Variants in FBXO40 observed in about 807,000 individuals in gnomAD.
The protein encoded by FBXO40 is F-box protein 40.
Under a neutral mutation model 49.9 loss-of-function variants are expected in FBXO40, and 50 were observed. That is an observed-to-expected ratio of 1.00 (90% CI 0.80 to 1.27). The LOEUF is 1.27. Among genes scored for constraint, FBXO40 ranks in the 50% most tolerant of loss-of-function variants. The pLI is 0.00. For missense variants in FBXO40, 895 were observed against 870.1 expected, an observed-to-expected ratio of 1.03 and a Z score of -0.36; for synonymous variants, 340 against 320.2, an observed-to-expected ratio of 1.06 and a Z score of -0.66.
intron 1 of FBXO40, among the ~76,000 whole-genome samples, chr3:121,604,634 G>GAT (rs1435794270): frequency 6.6e-6 from 1 of 152,156 alleles, no homozygotes; most frequent in African/African-American, 2.4e-5. Flanking sequence ...AGTTATTTGG[G>GAT]ATATATATAC....
At chr3:121,598,159 A>G (rs146717704) in intron 1 of FBXO40, among the ~76,000 whole-genome samples, 2 of 152,322 alleles carry the variant, frequency 1.3e-5, no homozygotes, top group Admixed American at 1.3e-4. Context: ...GAACAAGAGG[A>G]GAATTCTCGT....
Position 121,622,077 on chromosome 3 carries a change from C to A in FBXO40, c.648C>A (p.Gly216=). 1 of 1,614,130 alleles carries A rather than the reference C, an allele frequency of 6.2e-7. No homozygotes were observed. The highest frequency in any genetic ancestry group is 8.5e-7 in the Non-Finnish European group (1 of 1,180,024). Reference sequence around the variant, plus strand: ...AAGGGATGGACCTGGTCAAGTTTGGCCAGTGGGAAAATATTTTCAGCAAAG... The same window carrying A: ...AAGGGATGGACCTGGTCAAGTTTGGACAGTGGGAAAATATTTTCAGCAAAG... ...TKEGMDLVKF[G]QWENIFSKEH... Residue 216 remains glycine, a synonymous_variant, in exon 3 of 4, where the codon GGC becomes GGA. Transcript: ENST00000338040.
chr3:121,595,115 G>C (rs576864848), intron 1 of FBXO40, among the ~76,000 whole-genome samples: 1 of 152,182 alleles, frequency 6.6e-6, no homozygotes, highest in Non-Finnish European at 1.5e-5. Context: ...CAAGTAAAAG[G>C]AGACCTAAAC....
chr3:121,624,550 C>T (rs915493412), intron 3 of FBXO40, among the ~76,000 whole-genome samples: 12 of 152,190 alleles, frequency 7.9e-5, no homozygotes, highest in African/African-American at 2.2e-4. Context: ...GCTCCCTTAC[C>T]CTCCATCTTC....
chr3:121,615,511 T>A (rs1240125934), intron 1 of FBXO40, among the ~76,000 whole-genome samples: 2 of 144,918 alleles, frequency 1.4e-5, no homozygotes, highest in Non-Finnish European at 3.0e-5. Context: ...GCCAAGATAG[T>A]GCCACTGCAA....
At chr3:121,604,974 A>G (rs201546632) in intron 1 of FBXO40, among the ~76,000 whole-genome samples, 1 of 132,942 alleles carries the variant, frequency 7.5e-6, no homozygotes, top group African/African-American at 2.9e-5. Flanking sequence ...TTATTTATTT[A>G]TTATTTATTT....
chr3:121,620,050 G>A (rs2049021738), intron 1 of FBXO40, among the ~76,000 whole-genome samples: 1 of 152,176 alleles, frequency 6.6e-6, no homozygotes, highest in South Asian at 2.1e-4. Flanking sequence ...CAGGGGAAAT[G>A]GCATGTTACA....
At chr3:121,612,520 G>A (rs2048971640) in intron 1 of FBXO40, among the ~76,000 whole-genome samples, 1 of 152,148 alleles carries the variant, frequency 6.6e-6, no homozygotes, top group Non-Finnish European at 1.5e-5. Flanking sequence ...CTGGGATTAG[G>A]AGGCACTTGC....
chr3:121,621,413 C>T lies in FBXO40; in HGVS notation c.4-20C>T. 6.3e-7 allele frequency: 1 copy of T among 1,590,450 alleles called. No individual in the cohort carries two copies. The highest frequency in any genetic ancestry group is 8.6e-7 in the Non-Finnish European group (1 of 1,164,456). On this transcript the variant is annotated intron_variant, in intron 2 of 3. Coordinates refer to ENST00000338040, the MANE Select transcript of FBXO40 (RefSeq NM_016298.4). Reference sequence around the variant, plus strand: ...CTCAGTATTCATTTGTTTTCTTCCCCCTGTCCTTGGTGTGTCCAGGGGAAA... The same window carrying T: ...CTCAGTATTCATTTGTTTTCTTCCCTCTGTCCTTGGTGTGTCCAGGGGAAA...
At chr3:121,616,944 G>A (rs974597623) in intron 1 of FBXO40, among the ~76,000 whole-genome samples, 1 of 152,158 alleles carries the variant, frequency 6.6e-6, no homozygotes, top group Admixed American at 6.5e-5. Context: ...TCACTCATAT[G>A]TGAGAACTAA....
intron 1 of FBXO40, among the ~76,000 whole-genome samples, chr3:121,600,762 T>C (rs983940417): frequency 1.3e-5 from 2 of 152,192 alleles, no homozygotes; most frequent in African/African-American, 4.8e-5. Context: ...AGTACCCACC[T>C]CACATGGTTG....
Position 121,621,982 on chromosome 3 carries a change from C to G in FBXO40, c.553C>G (p.Leu185Val). The G allele has an allele frequency of 6.2e-7, 1 of 1,614,164 alleles. No homozygotes were observed. Among genetic ancestry groups the G allele is most frequent in the Non-Finnish European group, 8.5e-7 (1 of 1,180,028 alleles). Residue 185 changes from leucine to valine, a missense_variant, in exon 3 of 4, where the codon CTG (leucine) becomes GTG (valine). Leu to Val is a conservative substitution (Grantham distance 32). Transcript: ENST00000338040. Reference sequence around the variant, plus strand: ...GGATATCGGTTTGGTACCACATGGTCTGTCAGCAACTAATGGGGAGATGGC... The same window carrying G: ...GGATATCGGTTTGGTACCACATGGTGTGTCAGCAACTAATGGGGAGATGGC... ...GVDIGLVPHG[L>V]SATNGEMAEL...
At chr3:121,606,876 GGA>G in intron 1 of FBXO40, among the ~76,000 whole-genome samples, 1 of 152,166 alleles carries the variant, frequency 6.6e-6, no homozygotes, top group African/African-American at 2.4e-5. Flanking sequence ...CCAATGCCAA[GGA>G]TAGGTATTGG....
At position 121,622,508 on chromosome 3, in the gene FBXO40, G is replaced by A. The variant is rs550316946; in HGVS notation, c.1079G>A (p.Arg360Gln). 1.5e-5 allele frequency: 24 copies of A among 1,614,206 alleles called. No individual in the cohort carries two copies. In the East Asian group the frequency reaches 2.5e-4, roughly 16 times the overall value. Residue 360 changes from arginine (R) to glutamine (Q), a missense_variant, in exon 3 of 4, where the codon CGA (arginine) becomes CAA (glutamine). Arg to Gln is a conservative substitution (Grantham distance 43). Transcript: ENST00000338040. ...FKVPVSYCGK[R>Q]ARLGDAMLSC... Reference sequence around the variant, plus strand: ...GTTCCTGTGAGCTACTGTGGAAAGCGAGCTCGACTTGGAGATGCCATGTTG... The same window carrying A: ...GTTCCTGTGAGCTACTGTGGAAAGCAAGCTCGACTTGGAGATGCCATGTTG...
In FBXO40 at chr3:121,621,434, G is replaced by T. The variant is rs1301988082; in HGVS notation, c.5G>T (p.Gly2Val). ...TCCCCCTGTCCTTGGTGTGTCCAGG[G>T]GAAAGCCCGCAGATCCCCGCCAGGG... The part of the protein sequence containing the change: M[G>V]KARRSPPGHH... Residue 2 changes from glycine (G) to valine (V), a missense_variant and splice_region_variant, in exon 3 of 4, where the codon GGG becomes GTG. By Grantham distance (109) the Gly-to-Val change is moderately radical. Transcript: ENST00000338040. 5.0e-6 allele frequency: 8 copies of T among 1,611,232 alleles called. No individual in the cohort carries two copies. The highest frequency in any genetic ancestry group is 6.8e-6 in the Non-Finnish European group (8 of 1,178,510).
chr3:121,609,122 G>A (rs551188926), intron 1 of FBXO40, among the ~76,000 whole-genome samples: 4 of 151,976 alleles, frequency 2.6e-5, no homozygotes, highest in Non-Finnish European at 5.9e-5. Context: ...TCTTGAATGA[G>A]CTTCCTTCCA....
chr3:121,612,492 G>C (rs2048971479), intron 1 of FBXO40, among the ~76,000 whole-genome samples: 1 of 152,160 alleles, frequency 6.6e-6, no homozygotes, highest in Non-Finnish European at 1.5e-5. Flanking sequence ...GGGGAGTCTG[G>C]AACCAGCTGG....
chr3:121,597,428 A>G (rs2048878087), intron 1 of FBXO40, among the ~76,000 whole-genome samples: 1 of 152,180 alleles, frequency 6.6e-6, no homozygotes, highest in Non-Finnish European at 1.5e-5. Flanking sequence ...TTTAAAAAAT[A>G]GAATTTGAAT....
Position 121,622,911 on chromosome 3 carries a change from T to C in FBXO40, c.1482T>C (p.Asn494=). The C allele has an allele frequency of 1.2e-6, 2 of 1,614,228 alleles. No homozygotes were observed. The highest frequency in any genetic ancestry group is 2.2e-5 in the East Asian group (1 of 44,886). The change falls in exon 3 of 4, where the codon AAT becomes AAC. Residue 494 remains asparagine (N), a synonymous_variant. Transcript: ENST00000338040. The part of the protein sequence containing the change: ...RRDEFPLHFK[N]VHTDIQSCLN... ...ATGAGTTCCCCCTGCACTTCAAGAATGTCCACACAGACATTCAGTCATGTC... is the reference window on the plus strand; with the variant it reads ...ATGAGTTCCCCCTGCACTTCAAGAACGTCCACACAGACATTCAGTCATGTC...
Sources: allele counts gnomAD v4.1 joint callset (sites outside exome capture counted in the v4.1 genomes callset), GRCh38; gene constraint gnomAD v4.1.1; transcripts MANE v1.5; gene names NCBI Gene and HGNC (gene_info 2026-07-23, HGNC 2026-07-21).